The following OPHN1 variants were observed in gnomAD, a reference collection of about 807,000 sequenced individuals.
OPHN1 encodes the protein oligophrenin-1.
A neutral mutation model predicts 60.7 loss-of-function variants in OPHN1; 11 were observed. The observed-to-expected ratio is 0.18, with a 90% CI of 0.11 to 0.30. OPHN1 has a LOEUF of 0.30. Ranked by LOEUF, OPHN1 falls within the 10% of genes least tolerant of loss-of-function variation. The probability of loss-of-function intolerance (pLI) is 1.00; values close to 1 mark genes in which losing one functional copy is unlikely to be tolerated. For missense variants in OPHN1, 449 were observed against 611.0 expected (o/e 0.73, Z 2.80); for synonymous variants, 226 against 222.6 (o/e 1.02, Z -0.14).
At chrX:68,404,793 A>G (rs1305926137) in intron 2 of OPHN1, among the ~76,000 whole-genome samples, 1 of 112,325 alleles carries the variant, frequency 8.9e-6, no homozygotes, top group Non-Finnish European at 1.9e-5. Context: ...AAGAACTCTG[A>G]GAATGTCAAG....
intron 15 of OPHN1, among the ~76,000 whole-genome samples, chrX:68,180,639 A>G (rs1284918558): frequency 1.8e-5 from 2 of 111,961 alleles, no homozygotes; most frequent in Non-Finnish European, 3.8e-5. Flanking sequence ...TGTGAAGCTC[A>G]TCTAAGACTG....
intron 5 of OPHN1, among the ~76,000 whole-genome samples, chrX:68,248,104 T>C (rs2077815959): frequency 9.0e-6 from 1 of 110,785 alleles, no homozygotes; most frequent in South Asian, 3.8e-4. Flanking sequence ...ACTGAGGAGA[T>C]AGATAAAACA....
At chrX:68,286,767 G>A in intron 3 of OPHN1, among the ~76,000 whole-genome samples, 1 of 111,467 alleles carries the variant, frequency 9.0e-6, no homozygotes, top group Non-Finnish European at 1.9e-5. Context: ...TGTAATCCTA[G>A]TACTCTGGGA....
At chrX:68,353,415 A>G (rs1044384758) in intron 2 of OPHN1, among the ~76,000 whole-genome samples, 103 of 102,938 alleles carry the variant, frequency 1.0e-3, no homozygotes, top group African/African-American at 2.9e-3. Flanking sequence ...CAGGAAAAAA[A>G]AAAAAAAAAA....
intron 3 of OPHN1, among the ~76,000 whole-genome samples, chrX:68,290,463 G>C (rs1022636625): frequency 9.0e-6 from 1 of 110,606 alleles, no homozygotes. Flanking sequence ...GCCAGGGGTG[G>C]TGGTGAGCAC....
intron 6 of OPHN1, among the ~76,000 whole-genome samples, chrX:68,214,195 A>G (rs746217654): frequency 8.9e-6 from 1 of 112,353 alleles, no homozygotes; most frequent in South Asian, 3.7e-4. Context: ...AAGTCATTAC[A>G]TCCACCCTGA....
At chrX:68,208,056 CTTTCT>C (rs1241991527) in intron 9 of OPHN1, among the ~76,000 whole-genome samples, 6 of 104,759 alleles carry the variant, frequency 5.7e-5, no homozygotes, top group Non-Finnish European at 7.9e-5. Flanking sequence ...TCTTTCCTTT[CTTTCT>C]TTTCTTTTCT....
intron 2 of OPHN1, among the ~76,000 whole-genome samples, chrX:68,364,465 T>C (rs1302052118): frequency 8.9e-6 from 1 of 112,181 alleles, no homozygotes; most frequent in Non-Finnish European, 1.9e-5. Context: ...TTCCAATTTC[T>C]ACAGCCTTAA....
At chrX:68,401,275 G>A (rs1359659068) in intron 2 of OPHN1, among the ~76,000 whole-genome samples, 1 of 112,218 alleles carries the variant, frequency 8.9e-6, no homozygotes, top group East Asian at 2.8e-4. Context: ...CAAGTACAGT[G>A]TAAACAACAT....
intron 2 of OPHN1, among the ~76,000 whole-genome samples, chrX:68,385,322 C>T (rs917939155): frequency 4.5e-5 from 5 of 111,249 alleles, no homozygotes; most frequent in Admixed American, 3.8e-4. Flanking sequence ...ACAATGGCTG[C>T]GGGTATTTAA....
chrX:68,046,167 T>A lies in OPHN1; in HGVS notation c.*1005A>T, dbSNP rs2076831720. The A allele has an allele frequency of 8.9e-6, 1 of 112,112 alleles. No individual in the cohort carries two copies. The highest frequency in any genetic ancestry group is 1.9e-5 in the Non-Finnish European group (1 of 53,268). 9.2% of individuals were successfully genotyped at this position (112,112 alleles called of 1,213,427 possible). ...TTGTCATGGAATTGTGCATACCATC[T>A]CAGGGGCATCATGGAGTTTCTGAGT... is the stretch of plus-strand genomic sequence containing the variant. On this transcript the variant is annotated 3_prime_UTR_variant, in exon 25 of 25. Coordinates refer to ENST00000355520, the MANE Select transcript of OPHN1 (RefSeq NM_002547.3).
intron 5 of OPHN1, among the ~76,000 whole-genome samples, chrX:68,261,159 T>A (rs2077891371): frequency 9.0e-6 from 1 of 111,270 alleles, no homozygotes; most frequent in African/African-American, 3.3e-5. Context: ...GACTCAGATG[T>A]CTTAGTCAGA....
At chrX:68,062,749 C>T (rs1159473887) in intron 21 of OPHN1, among the ~76,000 whole-genome samples, 1 of 112,365 alleles carries the variant, frequency 8.9e-6, no homozygotes, top group Non-Finnish European at 1.9e-5. Context: ...AGTAAAAGAG[C>T]TAGGATTTAG....
intron 2 of OPHN1, among the ~76,000 whole-genome samples, chrX:68,419,538 A>ATTTT (rs201633101): frequency 5.9e-5 from 5 of 84,920 alleles, no homozygotes; most frequent in Non-Finnish European, 4.5e-5. Flanking sequence ...CTCCTTAACA[A>ATTTT]TTTTTTTTTT....
At chrX:68,280,914 A>G (rs1225564670) in intron 4 of OPHN1, among the ~76,000 whole-genome samples, 1 of 111,891 alleles carries the variant, frequency 8.9e-6, no homozygotes, top group Non-Finnish European at 1.9e-5. Flanking sequence ...AGGAAACTAC[A>G]AAACTCTGAT....
chrX:68,105,601 G>T (rs1364255512), intron 18 of OPHN1, among the ~76,000 whole-genome samples: 1 of 85,046 alleles, frequency 1.2e-5, no homozygotes, highest in Non-Finnish European at 2.1e-5. Context: ...AGTGGGAGTT[G>T]AACAGTGAGA....
At chrX:68,217,210 G>A (rs1373123150) in intron 6 of OPHN1, among the ~76,000 whole-genome samples, 6 of 112,123 alleles carry the variant, frequency 5.4e-5, no homozygotes, top group African/African-American at 6.5e-5. Context: ...CGAATACTGC[G>A]CTTTTCCGAC....
chrX:68,410,557 A>G (rs1174609565), intron 2 of OPHN1, among the ~76,000 whole-genome samples: 1 of 102,603 alleles, frequency 9.7e-6, no homozygotes, highest in Non-Finnish European at 2.0e-5. Flanking sequence ...CTGAGACTCC[A>G]CCAAAAAAAA....
Position 68,274,749 on chromosome X carries a change from C to T in OPHN1, c.373G>A (p.Gly125Ser). ...TACAGAAAATGTACCTTGGTGAAGC[C>T]TATTTGTTCCTTCCGGAAATTTTCC... ...PLENFRKEQI[G>S]FTKERKKKFE... Residue 125 changes from glycine (G) to serine (S), a missense_variant, in exon 5 of 25, where the codon GGC becomes AGC. Around this residue, in one of 4 missense-constraint regions of OPHN1, gnomAD observed 99 missense variants for 155.2 expected, o/e 0.64. Transcript: ENST00000355520. 8.3e-7 allele frequency: 1 copy of T among 1,198,229 alleles called. No homozygotes were observed. The highest frequency in any genetic ancestry group is 1.1e-6 in the Non-Finnish European group (1 of 884,212).
Sources: allele counts gnomAD v4.1 joint callset (sites outside exome capture counted in the v4.1 genomes callset), GRCh38; gene constraint gnomAD v4.1.1; regional missense constraint gnomAD v4.1.1; transcripts MANE v1.5; gene names NCBI Gene and HGNC (gene_info 2026-07-23, HGNC 2026-07-21).